The following VPS13B variants were observed in gnomAD, a reference collection of about 807,000 sequenced individuals.
VPS13B encodes intermembrane lipid transfer protein VPS13B.
VPS13B carries 285 observed loss-of-function variants against 426.4 expected under a neutral mutation model. That is an observed-to-expected ratio of 0.67 (90% confidence interval 0.61 to 0.74). The LOEUF (loss-of-function observed/expected upper bound fraction) is 0.74, where lower values mean the gene tolerates loss of function less well. VPS13B is among the 30% of genes least tolerant of loss of function. The pLI, the probability that VPS13B is intolerant of heterozygous loss-of-function variation, is 0.00. For synonymous variants in VPS13B, 1,676 were observed against 1,676.4 expected, an observed-to-expected ratio of 1.00 and a Z score of 0.01; for missense variants, 4,537 against 4,782.6, an observed-to-expected ratio of 0.95 and a Z score of 1.51.
At chr8:99,478,727 G>T (rs1463004461) in intron 24 of VPS13B, among the ~76,000 whole-genome samples, 1 of 151,440 alleles carries the variant, frequency 6.6e-6, no homozygotes, top group African/African-American at 2.4e-5. Flanking sequence ...GGGATTACAG[G>T]CATGAGCCAC....
At chr8:99,669,522 G>A (rs146738345) in intron 35 of VPS13B, among the ~76,000 whole-genome samples, 1 of 152,214 alleles carries the variant, frequency 6.6e-6, no homozygotes, top group African/African-American at 2.4e-5. Flanking sequence ...TGCTTAGCAT[G>A]TCACATTCAT....
intron 40 of VPS13B, among the ~76,000 whole-genome samples, chr8:99,773,625 A>G (rs2130653833): frequency 6.6e-6 from 1 of 152,326 alleles, no homozygotes; most frequent in Middle Eastern, 3.4e-3. Flanking sequence ...CCACTATCCT[A>G]AAAACAACAC....
intron 17 of VPS13B, among the ~76,000 whole-genome samples, chr8:99,207,826 G>A (rs1814817469): frequency 1.3e-5 from 2 of 152,090 alleles, no homozygotes; most frequent in Non-Finnish European, 2.9e-5. Context: ...TCTTCTGGTT[G>A]TATTCACTTA....
intron 30 of VPS13B, 42 bp from the exon 31 acceptor site, chr8:99,556,408 G>T (rs755461360): frequency 1.4e-5 from 22 of 1,588,280 alleles, no homozygotes; most frequent in Admixed American, 5.1e-5. Flanking sequence ...TATTTTATCT[G>T]TTTTCTTGTT....
intron 36 of VPS13B, among the ~76,000 whole-genome samples, chr8:99,712,687 CT>C (rs1451741793): frequency 7.3e-5 from 11 of 150,398 alleles, no homozygotes; most frequent in African/African-American, 2.5e-4. Context: ...TGCAATTTTA[CT>C]GATATTTCTG....
intron 19 of VPS13B, among the ~76,000 whole-genome samples, chr8:99,291,653 C>G (rs1819740620): frequency 6.6e-6 from 1 of 151,804 alleles, no homozygotes; most frequent in South Asian, 2.1e-4. Context: ...TTCTGCTATC[C>G]AAAAATAGAG....
intron 3 of VPS13B, among the ~76,000 whole-genome samples, chr8:99,088,236 C>CT (rs1458577218): frequency 6.8e-6 from 1 of 147,550 alleles, no homozygotes; most frequent in Non-Finnish European, 1.5e-5. Context: ...AATATCAGAT[C>CT]TTAAAAAAAA....
intron 8 of VPS13B, among the ~76,000 whole-genome samples, chr8:99,131,107 C>G (rs573702040): frequency 1.1e-4 from 16 of 152,092 alleles, no homozygotes; most frequent in African/African-American, 3.6e-4. Context: ...TGCTGAATAC[C>G]TTTTTTAAAA....
At chr8:99,672,026 A>G (rs1000059055) in intron 35 of VPS13B, among the ~76,000 whole-genome samples, 8 of 151,994 alleles carry the variant, frequency 5.3e-5, no homozygotes, top group Admixed American at 4.6e-4. Flanking sequence ...TTATAGTTTT[A>G]TAGTATATTT....
At chr8:99,455,240 G>A (rs970012284) in intron 23 of VPS13B, among the ~76,000 whole-genome samples, 1 of 152,116 alleles carries the variant, frequency 6.6e-6, no homozygotes, top group African/African-American at 2.4e-5. Flanking sequence ...TTTGTGTTTT[G>A]CATTAGGTCT....
intron 25 of VPS13B, among the ~76,000 whole-genome samples, chr8:99,496,576 G>A (rs1263191645): frequency 4.6e-5 from 7 of 152,018 alleles, no homozygotes; most frequent in Admixed American, 1.3e-4. Flanking sequence ...GCGTGAACCC[G>A]GGAGGCGGAG....
intron 23 of VPS13B, among the ~76,000 whole-genome samples, chr8:99,452,111 G>T (rs573908756): frequency 6.6e-6 from 1 of 152,194 alleles, no homozygotes; most frequent in Admixed American, 6.5e-5. Flanking sequence ...CTCTCCAGTT[G>T]TATTTTCTGC....
intron 58 of VPS13B, 50 bp downstream of exon 58, chr8:99,861,996 T>G (rs745673740): frequency 1.3e-6 from 2 of 1,534,634 alleles, no homozygotes; most frequent in South Asian, 1.2e-5. Context: ...CAGGCTGAGA[T>G]GCAGGGTCTC....
At chr8:99,802,320 TGGCAAAGTGCCAAGAG>T (rs1482439684) in intron 43 of VPS13B, among the ~76,000 whole-genome samples, 1 of 152,116 alleles carries the variant, frequency 6.6e-6, no homozygotes, top group Admixed American at 6.5e-5. Flanking sequence ...GTCACCCTCT[TGGCAAAGTGCCAAGAG>T]GGCAAGTTGG....
At chr8:99,188,514 G>C (rs548005476) in intron 16 of VPS13B, among the ~76,000 whole-genome samples, 1 of 152,216 alleles carries the variant, frequency 6.6e-6, no homozygotes, top group Non-Finnish European at 1.5e-5. Context: ...TTTTGGCTAA[G>C]AATAGTGCCG....
Position 99,696,236 on chromosome 8 carries a change from T to C in VPS13B, c.6047-3289T>C, listed in dbSNP as rs1424724539. 2.1e-5 allele frequency: 4 copies of C among 188,042 alleles called. No individual in the cohort carries two copies. In the East Asian group the frequency reaches 4.9e-4, roughly 23 times the overall value. The allele number at this position is 188,042 out of a possible 1,614,324, so 11.6% of individuals were successfully genotyped here. On this transcript the variant is annotated intron_variant, in intron 35 of 61. Transcript: ENST00000357162. Reference sequence around the variant, plus strand: ...CTTGGTAGTAGAGAAGTCCCTCAAGTCCTTCAAGGACAAGAACAAGAAGCT... The same window carrying C: ...CTTGGTAGTAGAGAAGTCCCTCAAGCCCTTCAAGGACAAGAACAAGAAGCT...
At chr8:99,335,034 C>A (rs757440508) in intron 19 of VPS13B, among the ~76,000 whole-genome samples, 9 of 151,958 alleles carry the variant, frequency 5.9e-5, no homozygotes, top group South Asian at 4.2e-4. Context: ...ACAATTTCAG[C>A]TCCTGTTATT....
At chr8:99,865,582 C>T (rs1817058491) in intron 58 of VPS13B, among the ~76,000 whole-genome samples, 1 of 152,176 alleles carries the variant, frequency 6.6e-6, no homozygotes, top group African/African-American at 2.4e-5. Flanking sequence ...CCTCCAATAC[C>T]ACCATCTGCC....
intron 27 of VPS13B, among the ~76,000 whole-genome samples, chr8:99,505,407 C>G (rs1452459819): frequency 1.3e-5 from 2 of 152,134 alleles, no homozygotes; most frequent in African/African-American, 4.8e-5. Flanking sequence ...TCTTCTTTCA[C>G]TGGAACACTT....
Sources: allele counts gnomAD v4.1 joint callset (sites outside exome capture counted in the v4.1 genomes callset), GRCh38; gene constraint gnomAD v4.1.1; transcripts MANE v1.5; gene names NCBI Gene and HGNC (gene_info 2026-07-23, HGNC 2026-07-21).